Variants in PPP2R1B observed in about 807,000 individuals in gnomAD.
The protein encoded by PPP2R1B is protein phosphatase 2 scaffold subunit Abeta.
A neutral mutation model predicts 72.7 loss-of-function variants in PPP2R1B; 58 were observed. The ratio of observed to expected loss-of-function variants is 0.80; its 90% CI spans 0.65 to 0.99. PPP2R1B has a LOEUF of 0.99. Among genes scored for constraint, PPP2R1B ranks in the 50% least tolerant of loss-of-function variants. PPP2R1B has a pLI of 0.00. For synonymous variants in PPP2R1B, 256 were observed against 264.6 expected, an observed-to-expected ratio of 0.97 and a Z score of 0.32; for missense variants, 695 against 733.6, an observed-to-expected ratio of 0.95 and a Z score of 0.61.
chr11:111,703,130 C>A, the PPP2R1B span: 1 of 1,379,126 alleles, frequency 7.3e-7, no homozygotes, highest in Non-Finnish European at 1.0e-6. Flanking sequence ...TGTACAAAGT[C>A]ACATGAGTCA....
chr11:111,752,410 A>G, intron 9 of PPP2R1B, 78 bp from the exon 10 acceptor site: 3 of 1,410,516 alleles, frequency 2.1e-6, no homozygotes, highest in Non-Finnish European at 2.8e-6. Context: ...AGGGTAAGAT[A>G]AAAGGTGAGG....
At position 111,747,813 on chromosome 11, in the gene PPP2R1B, G is replaced by T. The variant is rs960280888; in HGVS notation, c.1399+141C>A. 1.0e-5 allele frequency: 7 copies of T among 669,462 alleles called. No homozygotes were observed. The African/African-American group carries it at 1.3e-4, about 12-fold the overall frequency. The allele number at this position is 669,462 out of a possible 1,614,324, so 41.5% of individuals were successfully genotyped here. A position where few individuals can be genotyped will look rare whatever the true frequency, so the allele number is the denominator to read the frequency against. ...AGAAACGTCAAATTTATATTCAGAA[G>T]ATTAAACTTTAATTAGAGCCTTTCT... On this transcript the variant is annotated intron_variant, in intron 11 of 14. Coordinates refer to ENST00000527614, the MANE Select transcript of PPP2R1B (RefSeq NM_002716.5).
downstream of PPP2R1B, chr11:111,723,628 G>A (rs759246960): frequency 2.9e-5 from 46 of 1,613,498 alleles, no homozygotes; most frequent in African/African-American, 6.7e-5. Flanking sequence ...AGACTCCACC[G>A]CCTTCTCAGC....
chr11:111,742,163 ATCTGT>A lies in PPP2R1B; in HGVS notation c.1698-24_1698-20del. 6.3e-7 allele frequency: 1 copy of A among 1,587,008 alleles called. No homozygotes were observed. The highest frequency in any genetic ancestry group is 8.7e-7 in the Non-Finnish European group (1 of 1,155,874). ...TAAAGCACTGACATTCAAAAGTATT[ATCTGT>A]GAAAGACAGTCTAATGGGCCATAGA... On this transcript the variant is annotated intron_variant, in intron 13 of 14. Transcript: ENST00000527614.
rs1278185028 is a variant in PPP2R1B, at chr11:111,740,119, C to T, written c.*1477G>A. ...AACAATTCAAAAACCAAAAGGGTAA[C>T]AAGCAAACCTCATAGCAAGATGCAC... On this transcript the variant is annotated 3_prime_UTR_variant, in exon 15 of 15. Transcript: ENST00000527614. The T allele has an allele frequency of 1.0e-6, 1 of 985,230 alleles. No individual in the cohort carries two copies. The highest frequency in any genetic ancestry group is 1.7e-5 in the African/African-American group (1 of 57,226). The allele number at this position is 985,230 out of a possible 1,614,324, so 61.0% of individuals were successfully genotyped here.
intron 13 of PPP2R1B, 184 bp from the exon 14 acceptor site, chr11:111,742,328 CTACACATT>C: frequency 1.3e-6 from 1 of 763,994 alleles, no homozygotes; most frequent in Non-Finnish European, 2.0e-6. Flanking sequence ...AGACAAGGAT[CTACACATT>C]TACAGAGCTT....
chr11:111,728,856 G>C (rs541566913), intron 15 of PPP2R1B: 1 of 151,528 alleles, frequency 6.6e-6, no homozygotes, highest in Admixed American at 6.6e-5. Flanking sequence ...CCCGGGAGGT[G>C]GAGCTTGCAG....
At chr11:111,723,512 CTCTT>C, downstream of PPP2R1B, 1 of 1,602,906 alleles carries the variant, frequency 6.2e-7, no homozygotes. Flanking sequence ...GCAGAAGCGA[CTCTT>C]TCTTCAGAAG....
chr11:111,743,245 C>T, intron 12 of PPP2R1B, 131 bp downstream of exon 12: 1 of 957,316 alleles, frequency 1.0e-6, no homozygotes, highest in Non-Finnish European at 1.5e-6. Flanking sequence ...CTCTCATCTC[C>T]TGTCTATTCC....
At chr11:111,722,020 C>G, downstream of PPP2R1B, 4 of 1,132,932 alleles carry the variant, frequency 3.5e-6, no homozygotes, top group Non-Finnish European at 4.9e-6. This position sits in a 1 kb window ranked among gnomAD's most constrained non-coding sequence, Gnocchi z 4.4. Flanking sequence ...CGTGTTTTGC[C>G]TGGCATTTAT....
chr11:111,706,244 A>G, the PPP2R1B span, among the ~76,000 whole-genome samples: 55 of 152,382 alleles, frequency 3.6e-4, no homozygotes, highest in African/African-American at 1.2e-3. Context: ...TACTTGTTAT[A>G]TAAAGTAATA....
intron 15 of PPP2R1B, chr11:111,729,822 G>A (rs1944123774): frequency 6.6e-6 from 1 of 152,266 alleles, no homozygotes; most frequent in African/African-American, 2.4e-5. Flanking sequence ...CCAGGCTGAG[G>A]GAGACAAAAA....
At chr11:111,697,141 C>A in the PPP2R1B span, among the ~76,000 whole-genome samples, 1 of 152,204 alleles carries the variant, frequency 6.6e-6, no homozygotes, top group South Asian at 2.1e-4. Flanking sequence ...TATTCCACTG[C>A]TGCAACTTAG....
the PPP2R1B span, among the ~76,000 whole-genome samples, chr11:111,712,696 G>GT: frequency 6.6e-6 from 1 of 152,076 alleles, no homozygotes; most frequent in Non-Finnish European, 1.5e-5. Flanking sequence ...TTGTTTGTTT[G>GT]TTTTTTCCCT....
chr11:111,719,957 CACTCTGTCAGAAGTG>C, the PPP2R1B span: 1 of 1,614,140 alleles, frequency 6.2e-7, no homozygotes, highest in Non-Finnish European at 8.5e-7. Context: ...AGAGACGGCA[CACTCTGTCAGAAGTG>C]ACCAATCAAC....
chr11:111,750,833 TTTTTG>T (rs1479277890), intron 10 of PPP2R1B, among the ~76,000 whole-genome samples: 20 of 139,894 alleles, frequency 1.4e-4, no homozygotes, highest in Admixed American at 7.5e-5. Context: ...TCAGTTTTTG[TTTTTG>T]TTTTGTTTTT....
chr11:111,705,226 A>T, the PPP2R1B span: 4 of 1,346,780 alleles, frequency 3.0e-6, no homozygotes, highest in Admixed American at 1.0e-4. This position sits in a 1 kb window ranked among gnomAD's most constrained non-coding sequence, Gnocchi z 4.3. Context: ...CAGGGTTAGG[A>T]TTTCATCCTC....
chr11:111,722,485 G>A (rs1343050557), downstream of PPP2R1B, among the ~76,000 whole-genome samples: 2 of 152,222 alleles, frequency 1.3e-5, no homozygotes, highest in Non-Finnish European at 2.9e-5. The surrounding 1 kb of genome is among the most constrained non-coding windows in gnomAD (Gnocchi z 4.4). Flanking sequence ...GGTCAGAGAT[G>A]GCCCAGGCCT....
At chr11:111,729,162 A>G (rs1944095975) in intron 15 of PPP2R1B, 1 of 152,206 alleles carries the variant, frequency 6.6e-6, no homozygotes, top group Admixed American at 6.5e-5. Context: ...TAATTAAGGT[A>G]GCCTAGCTGA....
Sources: allele counts gnomAD v4.1 joint callset (sites outside exome capture counted in the v4.1 genomes callset), GRCh38; gene constraint gnomAD v4.1.1; non-coding constraint Gnocchi (gnomAD v3.1); transcripts MANE v1.5; gene names NCBI Gene and HGNC (gene_info 2026-07-23, HGNC 2026-07-21).